Variants in STS observed in about 807,000 individuals in gnomAD.
STS encodes steryl-sulfatase.
In STS, 7 loss-of-function variants were observed where a neutral mutation model predicts 26.8. That is an observed-to-expected ratio of 0.26 (90% CI 0.15 to 0.49). The LOEUF (loss-of-function observed/expected upper bound fraction) is 0.49, where lower values mean the gene tolerates loss of function less well. Ranked by LOEUF, STS falls within the 20% of genes least tolerant of loss-of-function variation. The pLI is 0.98. For synonymous variants in STS, 199 were observed against 189.4 expected, an observed-to-expected ratio of 1.05 and a Z score of -0.42; for missense variants, 434 against 465.6, an observed-to-expected ratio of 0.93 and a Z score of 0.63.
intron 2 of STS, among the ~76,000 whole-genome samples, chrX:7,250,613 C>T (rs1012241779): frequency 9.0e-6 from 1 of 111,513 alleles, no homozygotes; most frequent in East Asian, 2.8e-4. Flanking sequence ...CAGATTAAGC[C>T]GAATTGAGGG....
chrX:7,205,840 T>C (rs1934213920), intron 2 of STS, among the ~76,000 whole-genome samples: 1 of 108,824 alleles, frequency 9.2e-6, no homozygotes, highest in Admixed American at 9.8e-5. Flanking sequence ...GGTCTGGAGC[T>C]CCCAGGCTCA....
At position 7,335,304 on chromosome X, in the gene STS, C is replaced by T. The variant is rs1601757029; in HGVS notation, c.1363+1197C>T. On this transcript the variant is annotated intron_variant, in intron 10 of 10. Coordinates refer to ENST00000674429, the MANE Select transcript of STS (RefSeq NM_001320752.2). ...GACTTTTTAATGATTGCCATTCTAACTGATGTGAGATGGTATCTCATTGTG... is the reference window on the plus strand; with the variant it reads ...GACTTTTTAATGATTGCCATTCTAATTGATGTGAGATGGTATCTCATTGTG... Among the ~76,000 whole-genome samples the T allele has an allele frequency of 2.7e-5, 3 of 112,472 alleles. No individual in the cohort carries two copies. In the Admixed American group the frequency reaches 2.8e-4, roughly 11 times the overall value.
At chrX:7,196,247 A>G (rs999635659) in intron 2 of STS, among the ~76,000 whole-genome samples, 4 of 111,963 alleles carry the variant, frequency 3.6e-5, no homozygotes. Context: ...AAACCAGGGT[A>G]AGGTTGGCTG....
intron 8 of STS, among the ~76,000 whole-genome samples, chrX:7,308,785 G>A (rs1253482190): frequency 9.0e-6 from 1 of 111,664 alleles, no homozygotes; most frequent in Non-Finnish European, 1.9e-5. Flanking sequence ...AAAATACAAT[G>A]CCCTAAAAGG....
intron 10 of STS, 27 bp downstream of exon 10, chrX:7,334,134 C>A: frequency 1.7e-6 from 2 of 1,211,192 alleles, no homozygotes; most frequent in South Asian, 3.5e-5. Context: ...TTCCACGCTC[C>A]TCATGCTCCG....
chrX:7,347,510 C>T (rs1295968623), intron 10 of STS, among the ~76,000 whole-genome samples: 1 of 111,904 alleles, frequency 8.9e-6, no homozygotes, highest in Non-Finnish European at 1.9e-5. Flanking sequence ...CATCTCTTGA[C>T]TGGGCCTGAT....
chrX:7,238,670 A>T (rs1009831432), intron 2 of STS, among the ~76,000 whole-genome samples: 14 of 110,392 alleles, frequency 1.3e-4, no homozygotes, highest in African/African-American at 2.3e-4. Flanking sequence ...CTCTACAAAA[A>T]TTTTTTTAAA....
At chrX:7,201,866 G>A (rs1934079501) in intron 2 of STS, among the ~76,000 whole-genome samples, 1 of 111,083 alleles carries the variant, frequency 9.0e-6, no homozygotes, top group Non-Finnish European at 1.9e-5. Context: ...TATGTTTGTT[G>A]CTAGGATGGA....
intron 8 of STS, among the ~76,000 whole-genome samples, chrX:7,323,418 C>G (rs917575920): frequency 1.9e-4 from 21 of 110,924 alleles, no homozygotes; most frequent in East Asian, 2.8e-4. Context: ...CTGTTGCCAA[C>G]TTTATGTTTA....
At chrX:7,345,128 A>T (rs754848039) in intron 10 of STS, among the ~76,000 whole-genome samples, 7 of 111,377 alleles carry the variant, frequency 6.3e-5, no homozygotes, top group African/African-American at 2.3e-4. Context: ...GCGATGTAGC[A>T]TGACCCTGTT....
chrX:7,201,699 A>C (rs1934076301), intron 2 of STS, among the ~76,000 whole-genome samples: 1 of 106,006 alleles, frequency 9.4e-6, no homozygotes, highest in Admixed American at 1.0e-4. Context: ...TAGATGTGGG[A>C]GATCCGCTGT....
chrX:7,327,059 C>T (rs1009775631), intron 9 of STS, among the ~76,000 whole-genome samples: 9 of 111,738 alleles, frequency 8.1e-5, no homozygotes, highest in Non-Finnish European at 1.3e-4. Flanking sequence ...TATTGAGCGA[C>T]GCTTATTATA....
chrX:7,307,157 A>G, intron 8 of STS, among the ~76,000 whole-genome samples: 1 of 111,131 alleles, frequency 9.0e-6, no homozygotes, highest in East Asian at 2.9e-4. Context: ...TTTAGGTCTC[A>G]TTGTTACCTT....
intron 10 of STS, among the ~76,000 whole-genome samples, chrX:7,337,731 T>C (rs1181625570): frequency 8.9e-6 from 1 of 112,419 alleles, no homozygotes; most frequent in Non-Finnish European, 1.9e-5. Flanking sequence ...GTGTTGTGGG[T>C]GTTTACACCA....
At chrX:7,241,272 A>C (rs1922606281) in intron 2 of STS, among the ~76,000 whole-genome samples, 1 of 112,127 alleles carries the variant, frequency 8.9e-6, no homozygotes, top group African/African-American at 3.2e-5. Context: ...TATTTAAAAA[A>C]ATCAATTTTT....
chrX:7,267,842 T>G (rs1398396042), intron 6 of STS, among the ~76,000 whole-genome samples: 1 of 112,266 alleles, frequency 8.9e-6, no homozygotes, highest in African/African-American at 3.2e-5. Flanking sequence ...GATATTTTAA[T>G]TAGAAGTTCA....
At chrX:7,154,031 G>A (rs1365856800) in intron 1 of STS, among the ~76,000 whole-genome samples, 6 of 109,743 alleles carry the variant, frequency 5.5e-5, no homozygotes, top group African/African-American at 2.0e-4. Flanking sequence ...CATTTCCTCT[G>A]GCGTAGCTCC....
At chrX:7,276,955 A>G (rs1924568449) in intron 7 of STS, among the ~76,000 whole-genome samples, 2 of 111,826 alleles carry the variant, frequency 1.8e-5, no homozygotes, top group South Asian at 7.5e-4. Context: ...TGTCTTGCAG[A>G]GCTCAGAGAT....
intron 2 of STS, among the ~76,000 whole-genome samples, chrX:7,224,097 G>A (rs1921697232): frequency 2.7e-5 from 3 of 111,598 alleles, no homozygotes; most frequent in Non-Finnish European, 5.6e-5. Flanking sequence ...GGACATGGAA[G>A]CTTGGAGTGA....
Sources: allele counts gnomAD v4.1 joint callset (sites outside exome capture counted in the v4.1 genomes callset), GRCh38; gene constraint gnomAD v4.1.1; transcripts MANE v1.5; gene names NCBI Gene and HGNC (gene_info 2026-07-23, HGNC 2026-07-21).